Variants in TAOK1 observed in about 807,000 individuals in gnomAD.
TAOK1 encodes serine/threonine-protein kinase TAO1.
TAOK1 carries 21 observed loss-of-function variants against 138.3 expected under a neutral mutation model. The observed-to-expected ratio is 0.15, with a 90% CI of 0.11 to 0.22. The LOEUF (loss-of-function observed/expected upper bound fraction) is 0.22. Among genes scored for constraint, TAOK1 ranks in the 10% least tolerant of loss-of-function variants. The pLI, the probability that TAOK1 is intolerant of heterozygous loss-of-function variation, is 1.00. For synonymous variants in TAOK1, 361 were observed against 398.4 expected, an observed-to-expected ratio of 0.91 and a Z score of 1.12; for missense variants, 651 against 1,227.7, an observed-to-expected ratio of 0.53 and a Z score of 7.02.
At chr17:29,400,104 A>G (rs1904790407) in intron 1 of TAOK1, among the ~76,000 whole-genome samples, 1 of 152,116 alleles carries the variant, frequency 6.6e-6, no homozygotes. Flanking sequence ...TTAAGAAATG[A>G]CATTTCAGGC....
At chr17:29,393,250 CT>C (rs1194507236) in intron 1 of TAOK1, among the ~76,000 whole-genome samples, 1 of 151,992 alleles carries the variant, frequency 6.6e-6, no homozygotes, top group Non-Finnish European at 1.5e-5. Flanking sequence ...GGAGTGACTG[CT>C]TTTACCTTGG....
intron 18 of TAOK1, among the ~76,000 whole-genome samples, chr17:29,531,025 G>A (rs2032094336): frequency 7.6e-6 from 1 of 131,098 alleles, no homozygotes; most frequent in African/African-American, 2.8e-5. Context: ...CCAGTGGCGC[G>A]ATCTCGGCTC....
chr17:29,498,559 G>A (rs367574941), intron 12 of TAOK1, 38 bp downstream of exon 12: 387 of 1,599,608 alleles, frequency 2.4e-4, no homozygotes, highest in Non-Finnish European at 3.1e-4. Flanking sequence ...ATTCAATGTT[G>A]GTAAACTGTT....
chr17:29,533,568 C>T (rs1461942753), intron 18 of TAOK1, among the ~76,000 whole-genome samples: 1 of 151,866 alleles, frequency 6.6e-6, no homozygotes, highest in Admixed American at 6.6e-5. Context: ...ACTGAGTGAA[C>T]GAGACTCCGT....
At chr17:29,395,016 A>G (rs1194615366) in intron 1 of TAOK1, among the ~76,000 whole-genome samples, 1 of 151,942 alleles carries the variant, frequency 6.6e-6, no homozygotes, top group Non-Finnish European at 1.5e-5. Flanking sequence ...CTGAGGCTGG[A>G]GGATCACTTG....
chr17:29,548,359 T>C lies in TAOK1; in HGVS notation c.*5337T>C, dbSNP rs1327291973. 2 of 152,108 alleles carry C rather than the reference T, an allele frequency of 1.3e-5. No homozygotes were observed. The highest frequency in any genetic ancestry group is 4.8e-5 in the African/African-American group (2 of 41,446). The allele number at this position is 152,108 out of a possible 1,614,324, so 9.4% of individuals were successfully genotyped here. On this transcript the variant is annotated 3_prime_UTR_variant, in exon 20 of 20. Transcript: ENST00000261716. ...GAGCCATTTACTATGTCACCATCAC[T>C]GTTAACTGTTTCCCAGCAATCTAAA...
At chr17:29,427,611 G>A (rs1441883176) in intron 1 of TAOK1, among the ~76,000 whole-genome samples, 1 of 151,132 alleles carries the variant, frequency 6.6e-6, no homozygotes, top group South Asian at 2.1e-4. Flanking sequence ...TTTGGAAGCA[G>A]AGAAGTGATA....
chr17:29,509,019 C>CA (rs1567738966), intron 14 of TAOK1, among the ~76,000 whole-genome samples: 2 of 151,752 alleles, frequency 1.3e-5, no homozygotes. Context: ...TCCCTTTTCA[C>CA]AAAAAAAGAA....
rs1429841824 is a variant in TAOK1 at position 29,534,222 on chromosome 17, A to C, written c.2466A>C (p.Gln822His). ...LNAYQSKIKMQAEAQHDRELR... is the reference protein window; with the variant it reads ...LNAYQSKIKMHAEAQHDRELR... ...CGTATCAGAGCAAAATCAAGATGCA[A>C]GCTGAGGCACAACATGATCGAGAGC... is the stretch of plus-strand genomic sequence containing the variant. The change falls in exon 19 of 20, where the codon CAA becomes CAC. Residue 822 changes from glutamine (Q) to histidine (H), a missense_variant. This residue lies in a region of TAOK1 where 258 missense variants were observed against 548.9 expected (regional missense o/e 0.47). Coordinates refer to ENST00000261716, the MANE Select transcript of TAOK1 (RefSeq NM_020791.4). The C allele has an allele frequency of 1.2e-6, 2 of 1,613,722 alleles. No homozygotes were observed. Among genetic ancestry groups the C allele is most frequent in the Non-Finnish European group, 1.7e-6 (2 of 1,179,854 alleles).
intron 2 of TAOK1, among the ~76,000 whole-genome samples, chr17:29,463,758 A>G (rs1289373789): frequency 2.0e-5 from 3 of 152,172 alleles, no homozygotes; most frequent in Non-Finnish European, 4.4e-5. Context: ...AAGATTAAAA[A>G]CTTTCCTGCT....
At chr17:29,531,486 G>T (rs531135442) in intron 18 of TAOK1, among the ~76,000 whole-genome samples, 7 of 188 alleles carry the variant, frequency 0.037, no homozygotes, top group Admixed American at 0.14. Context: ...ATAAGGCTGC[G>T]CGCCAGTGGC....
chr17:29,515,431 T>G (rs1186361149), intron 15 of TAOK1, among the ~76,000 whole-genome samples: 1 of 152,218 alleles, frequency 6.6e-6, no homozygotes, highest in Non-Finnish European at 1.5e-5. Context: ...CCAATCATTG[T>G]GTACTTCGAA....
intron 1 of TAOK1, among the ~76,000 whole-genome samples, chr17:29,425,716 G>A (rs1047798866): frequency 2.0e-5 from 3 of 152,068 alleles, no homozygotes; most frequent in African/African-American, 7.2e-5. Context: ...CTTTAGTAAG[G>A]GAGATATTGA....
intron 2 of TAOK1, among the ~76,000 whole-genome samples, chr17:29,465,837 CTTTTTTT>C (rs3058623): frequency 4.2e-4 from 19 of 45,454 alleles, no homozygotes; most frequent in African/African-American, 2.1e-3. Flanking sequence ...AGTTTCTGTG[CTTTTTTT>C]TTTTTTTTTT....
At position 29,545,297 on chromosome 17, in the gene TAOK1, A is replaced by C. The variant is rs1233477286; in HGVS notation, c.*2275A>C. On this transcript the variant is annotated 3_prime_UTR_variant, in exon 20 of 20. Coordinates refer to ENST00000261716, the MANE Select transcript of TAOK1 (RefSeq NM_020791.4). ...TGGTGTAAAATGACGAGAGAGCTTT[A>C]GAATTTAATAAAATGTCAAAAATAC... 6.6e-6 allele frequency: 1 copy of C among 152,120 alleles called. No individual in the cohort carries two copies. Among genetic ancestry groups the C allele is most frequent in the Non-Finnish European group, 1.5e-5 (1 of 68,022 alleles). 9.4% of individuals were successfully genotyped at this position (152,120 alleles called of 1,614,324 possible). A position where few individuals can be genotyped will look rare whatever the true frequency, so the allele number is the denominator to read the frequency against.
At chr17:29,438,594 A>G (rs1906110712) in intron 1 of TAOK1, among the ~76,000 whole-genome samples, 1 of 152,174 alleles carries the variant, frequency 6.6e-6, no homozygotes, top group Non-Finnish European at 1.5e-5. Context: ...AGGTGGGAAG[A>G]TCCCTTGGGC....
intron 4 of TAOK1, among the ~76,000 whole-genome samples, chr17:29,476,924 C>T (rs1217577796): frequency 1.3e-5 from 2 of 152,108 alleles, no homozygotes; most frequent in African/African-American, 4.8e-5. Context: ...CGGCTCACTG[C>T]AAGCTCCGCC....
intron 1 of TAOK1, among the ~76,000 whole-genome samples, chr17:29,415,640 A>C (rs1338591159): frequency 6.6e-6 from 1 of 152,168 alleles, no homozygotes; most frequent in Non-Finnish European, 1.5e-5. Context: ...TTTATCTTCT[A>C]TGGAAAAATA....
chr17:29,489,531 T>C, intron 8 of TAOK1, 133 bp from the exon 9 acceptor site: 1 of 594,002 alleles, frequency 1.7e-6, no homozygotes. Flanking sequence ...CTTTGAACTC[T>C]ACTTGCAATT....
Sources: allele counts gnomAD v4.1 joint callset (sites outside exome capture counted in the v4.1 genomes callset), GRCh38; gene constraint gnomAD v4.1.1; regional missense constraint gnomAD v4.1.1; transcripts MANE v1.5; gene names NCBI Gene and HGNC (gene_info 2026-07-23, HGNC 2026-07-21).